The following SGCZ variants were observed in gnomAD, a reference collection of about 807,000 sequenced individuals.
SGCZ encodes zeta-sarcoglycan.
A neutral mutation model predicts 41.3 loss-of-function variants in SGCZ; 40 were observed. That is an observed-to-expected ratio of 0.97 (90% CI 0.75 to 1.26). The LOEUF (loss-of-function observed/expected upper bound fraction) is 1.26. Among genes scored for constraint, SGCZ ranks in the 50% most tolerant of loss-of-function variants. The probability of loss-of-function intolerance (pLI) is 0.00; values close to 1 mark genes in which losing one functional copy is unlikely to be tolerated. For missense variants in SGCZ, 552 were observed against 369.8 expected, an observed-to-expected ratio of 1.49 and a Z score of -4.04; for synonymous variants, 206 against 137.5, an observed-to-expected ratio of 1.50 and a Z score of -3.49.
intron 5 of SGCZ, among the ~76,000 whole-genome samples, chr8:14,119,075 G>A (rs1227867151): frequency 1.3e-5 from 2 of 152,076 alleles, no homozygotes; most frequent in Non-Finnish European, 2.9e-5. Context: ...GAAATTTACA[G>A]TTGTTTTTTC....
chr8:14,834,183 C>A (rs911303080), intron 1 of SGCZ, among the ~76,000 whole-genome samples: 5 of 152,020 alleles, frequency 3.3e-5, no homozygotes, highest in African/African-American at 1.2e-4. Context: ...TTTTCCTGAA[C>A]AACTGTGTCC....
At position 14,978,460 on chromosome 8, in the gene SGCZ, G is replaced by C. The variant is rs556841051; in HGVS notation, c.39+259125C>G. 4.3e-4 allele frequency among the ~76,000 whole-genome samples: 42 copies of C among 98,484 alleles called. No homozygotes were observed. In the East Asian group the frequency reaches 0.014, roughly 32 times the overall value. 64.6% of individuals were successfully genotyped at this position (98,484 alleles called of 152,430 possible). A position where few individuals can be genotyped will look rare whatever the true frequency, so the allele number is the denominator to read the frequency against. ...CACTCTAGCCTGGAGGACCGAGTGA[G>C]ACACCGTCACAAAAAAAAAAAAAAA... is the stretch of plus-strand genomic sequence containing the variant. On this transcript the variant is annotated intron_variant, in intron 1 of 7. Coordinates refer to ENST00000382080, the MANE Select transcript of SGCZ (RefSeq NM_139167.4).
At chr8:14,905,178 C>T (rs1055197734) in intron 1 of SGCZ, among the ~76,000 whole-genome samples, 1 of 151,774 alleles carries the variant, frequency 6.6e-6, no homozygotes, top group Non-Finnish European at 1.5e-5. Flanking sequence ...TGAAGTTAAT[C>T]GACAAGATTT....
In SGCZ at chr8:14,832,350, A is replaced by G. The variant is rs539092836; in HGVS notation, c.40-277424T>C. Among the ~76,000 whole-genome samples the G allele has an allele frequency of 6.6e-5, 10 of 152,302 alleles. No individual in the cohort carries two copies. In the South Asian group the frequency reaches 1.9e-3, roughly 28 times the overall value. On this transcript the variant is annotated intron_variant, in intron 1 of 7. Coordinates refer to ENST00000382080, the MANE Select transcript of SGCZ (RefSeq NM_139167.4). ...TATTCTATGCTAAAAATTCAGCCTAAAAGATTGCTCAAGAACATCCCTGAA... is the reference window on the plus strand; with the variant it reads ...TATTCTATGCTAAAAATTCAGCCTAGAAGATTGCTCAAGAACATCCCTGAA...
intron 2 of SGCZ, among the ~76,000 whole-genome samples, chr8:14,477,139 T>C (rs1261121280): frequency 6.6e-6 from 1 of 152,190 alleles, no homozygotes; most frequent in Non-Finnish European, 1.5e-5. Context: ...TTCATTTTTG[T>C]GACTAATTTA....
chr8:14,658,681 C>T (rs977800205), intron 1 of SGCZ, among the ~76,000 whole-genome samples: 1 of 152,134 alleles, frequency 6.6e-6, no homozygotes, highest in Admixed American at 6.6e-5. Context: ...TCCTTCTTTA[C>T]TTTTCTTCTC....
At chr8:14,722,499 A>G (rs143717298) in intron 1 of SGCZ, among the ~76,000 whole-genome samples, 167 of 152,216 alleles carry the variant, frequency 1.1e-3, no homozygotes, top group African/African-American at 3.8e-3. Context: ...ATATGTTGAC[A>G]TACTTTTATG....
chr8:14,298,258 T>G lies in SGCZ; in HGVS notation c.336+25845A>C, dbSNP rs111252435. On this transcript the variant is annotated intron_variant, in intron 3 of 7. Coordinates refer to ENST00000382080, the MANE Select transcript of SGCZ (RefSeq NM_139167.4). ...TCTACTGTAAATATGAATATCATAC[T>G]GAATAGAAAAGACTAAAATTTCCTT... Among the ~76,000 whole-genome samples the G allele has an allele frequency of 4.6e-5, 7 of 152,136 alleles. 1 individual carries two copies. The highest frequency in any genetic ancestry group is 1.7e-4 in the African/African-American group (7 of 41,556).
chr8:14,640,128 G>T (rs1463997), intron 1 of SGCZ, among the ~76,000 whole-genome samples: 52,816 of 151,386 alleles, frequency 0.35, 9,457 homozygotes, highest in East Asian at 0.63. Flanking sequence ...ATTAAGGGAG[G>T]TTTAAATTTA....
chr8:14,583,561 T>C (rs1362964681), intron 1 of SGCZ, among the ~76,000 whole-genome samples: 1 of 152,154 alleles, frequency 6.6e-6, no homozygotes, highest in African/African-American at 2.4e-5. Context: ...TTTGATGTTT[T>C]AGACATGAAG....
At chr8:15,087,868 G>C (rs551844856) in intron 1 of SGCZ, among the ~76,000 whole-genome samples, 1 of 152,196 alleles carries the variant, frequency 6.6e-6, no homozygotes, top group East Asian at 1.9e-4. Flanking sequence ...ATAAGGCATA[G>C]TATGCATGTA....
chr8:14,447,913 C>A (rs1034443829), intron 2 of SGCZ, among the ~76,000 whole-genome samples: 3 of 152,052 alleles, frequency 2.0e-5, no homozygotes, highest in Non-Finnish European at 4.4e-5. Flanking sequence ...CCTCATATGA[C>A]TTATATGGAA....
chr8:14,814,944 G>C (rs531680386), intron 1 of SGCZ, among the ~76,000 whole-genome samples: 96 of 151,872 alleles, frequency 6.3e-4, no homozygotes, highest in African/African-American at 2.2e-3. Context: ...TCTGTAATAG[G>C]ACATTAAAAA....
At chr8:14,721,456 G>T (rs1353990238) in intron 1 of SGCZ, among the ~76,000 whole-genome samples, 1 of 152,112 alleles carries the variant, frequency 6.6e-6, no homozygotes, top group Non-Finnish European at 1.5e-5. Context: ...AGGCAACTTT[G>T]TCCTTCCAGT....
In SGCZ at chr8:14,731,113, T is replaced by C. The variant is rs188075544; in HGVS notation, c.40-176187A>G. 4.5e-3 allele frequency among the ~76,000 whole-genome samples: 677 copies of C among 151,882 alleles called. 9 individuals are homozygous for C. Among genetic ancestry groups the C allele is most frequent in the African/African-American group, 0.015 (621 of 41,296 alleles). ...ATGTTTATTGTGGCACTGTTCATAA[T>C]AGCAAAAACATGGAACTAACCCAAA... On this transcript the variant is annotated intron_variant, in intron 1 of 7. Transcript: ENST00000382080.
chr8:14,095,832 T>C (rs1331187840), intron 7 of SGCZ, among the ~76,000 whole-genome samples: 1 of 152,180 alleles, frequency 6.6e-6, no homozygotes, highest in Admixed American at 6.5e-5. Context: ...CCTTGTAAGT[T>C]TTATTCCTAC....
chr8:15,130,078 G>A (rs1040514556), intron 1 of SGCZ, among the ~76,000 whole-genome samples: 4 of 152,006 alleles, frequency 2.6e-5, no homozygotes, highest in African/African-American at 4.8e-5. Context: ...TATTTTGGTC[G>A]ATTTTGGTGT....
At chr8:14,857,900 C>T (rs1326123828) in intron 1 of SGCZ, among the ~76,000 whole-genome samples, 3 of 151,956 alleles carry the variant, frequency 2.0e-5, no homozygotes, top group African/African-American at 7.2e-5. Flanking sequence ...AAAACAAATG[C>T]AGATTTTTTG....
chr8:15,056,959 G>A (rs1804729662), intron 1 of SGCZ, among the ~76,000 whole-genome samples: 1 of 152,148 alleles, frequency 6.6e-6, no homozygotes, highest in Non-Finnish European at 1.5e-5. Flanking sequence ...TTTGAGAGTG[G>A]AATGCAGCAG....
Sources: allele counts gnomAD v4.1 joint callset (sites outside exome capture counted in the v4.1 genomes callset), GRCh38; gene constraint gnomAD v4.1.1; transcripts MANE v1.5; gene names NCBI Gene and HGNC (gene_info 2026-07-23, HGNC 2026-07-21).